The following INPP5A variants were observed in gnomAD, a reference collection of about 807,000 sequenced individuals.
INPP5A encodes the protein inositol polyphosphate-5-phosphatase A, also known as 43 kDa inositol polyphosphate 5-phophatase.
A neutral mutation model predicts 65.2 loss-of-function variants in INPP5A; 14 were observed. That is an observed-to-expected ratio of 0.21 (90% CI 0.14 to 0.34). The LOEUF (loss-of-function observed/expected upper bound fraction) is 0.34, where lower values mean the gene tolerates loss of function less well. Among genes scored for constraint, INPP5A ranks in the 10% least tolerant of loss-of-function variants. The probability of loss-of-function intolerance (pLI) is 1.00; values close to 1 mark genes in which losing one functional copy is unlikely to be tolerated. For synonymous variants in INPP5A, 207 were observed against 208.3 expected (o/e 0.99, Z 0.05); for missense variants, 431 against 545.6 (o/e 0.79, Z 2.09).
chr10:132,696,873 T>A (rs533550741), intron 5 of INPP5A, among the ~76,000 whole-genome samples: 37 of 152,240 alleles, frequency 2.4e-4, no homozygotes, highest in African/African-American at 8.4e-4. Flanking sequence ...CAGCACTCTG[T>A]TTTTTCCTGA....
intron 9 of INPP5A, among the ~76,000 whole-genome samples, chr10:132,747,913 G>A (rs1412264233): frequency 6.6e-6 from 1 of 152,130 alleles, no homozygotes; most frequent in East Asian, 1.9e-4. Flanking sequence ...GCTGGGCATG[G>A]TGGTGCATTA....
intron 3 of INPP5A, among the ~76,000 whole-genome samples, chr10:132,647,146 C>T (rs1261319789): frequency 4.0e-5 from 6 of 149,070 alleles, no homozygotes; most frequent in East Asian, 2.0e-4. Context: ...GACGGAGTCT[C>T]GCTCTGTTGC....
chr10:132,598,994 C>T (rs1406161067), intron 1 of INPP5A, among the ~76,000 whole-genome samples: 1 of 152,176 alleles, frequency 6.6e-6, no homozygotes, highest in Non-Finnish European at 1.5e-5. Flanking sequence ...GGGTTCTTCC[C>T]ATAACAGGTG....
intron 11 of INPP5A, among the ~76,000 whole-genome samples, chr10:132,764,086 C>T (rs1846786671): frequency 7.9e-5 from 12 of 152,272 alleles, no homozygotes; most frequent in Admixed American, 7.8e-4. Flanking sequence ...GCTGTACCCT[C>T]TTAGGAGGCA....
chr10:132,778,117 G>A (rs1368703177), intron 13 of INPP5A, among the ~76,000 whole-genome samples: 1 of 152,160 alleles, frequency 6.6e-6, no homozygotes, highest in South Asian at 2.1e-4. Flanking sequence ...GCTCTTGTGC[G>A]TTCCAGCGCT....
chr10:132,581,773 T>C (rs1217356044), intron 1 of INPP5A, among the ~76,000 whole-genome samples: 2 of 152,216 alleles, frequency 1.3e-5, no homozygotes, highest in Admixed American at 1.3e-4. Flanking sequence ...TTATGTACTC[T>C]GGATACCAGT....
chr10:132,575,668 G>A lies in INPP5A; in HGVS notation c.76-32247G>A, dbSNP rs1035356350. Among the ~76,000 whole-genome samples the A allele has an allele frequency of 1.3e-5, 2 of 152,148 alleles. No individual in the cohort carries two copies. Among genetic ancestry groups the A allele is most frequent in the Non-Finnish European group, 2.9e-5 (2 of 68,036 alleles). On this transcript the variant is annotated intron_variant, in intron 1 of 15. Transcript: ENST00000368594. This position sits in a 1 kb window ranked among gnomAD's most constrained non-coding sequence, Gnocchi z 5.4. ...GTTTATCTTGGCGAGGAGGAATCCTGCACCAGCTTAGACAAGGAACTCCTG... is the reference window on the plus strand; with the variant it reads ...GTTTATCTTGGCGAGGAGGAATCCTACACCAGCTTAGACAAGGAACTCCTG...
chr10:132,716,313 C>T (rs570289342), intron 8 of INPP5A, among the ~76,000 whole-genome samples: 2 of 152,268 alleles, frequency 1.3e-5, no homozygotes. Context: ...TCTTGTGACA[C>T]AGGCACGGAT....
rs1274580923 is a variant in INPP5A, at chr10:132,705,811, G to C, written c.475-2502G>C. ...GAGAGCCCAGACCTTTTACAATGCTGGGTGGGGTGGCCATGGAACTGCACA... is the reference window on the plus strand; with the variant it reads ...GAGAGCCCAGACCTTTTACAATGCTCGGTGGGGTGGCCATGGAACTGCACA... On this transcript the variant is annotated intron_variant, in intron 6 of 15. Transcript: ENST00000368594. This position sits in a 1 kb window ranked among gnomAD's most constrained non-coding sequence, Gnocchi z 4.9. 2.6e-5 allele frequency among the ~76,000 whole-genome samples: 4 copies of C among 152,120 alleles called. No individual in the cohort carries two copies. The highest frequency in any genetic ancestry group is 5.9e-5 in the Non-Finnish European group (4 of 68,030).
intron 9 of INPP5A, among the ~76,000 whole-genome samples, chr10:132,746,742 CT>C (rs1846378057): frequency 6.6e-6 from 1 of 152,234 alleles, no homozygotes; most frequent in Non-Finnish European, 1.5e-5. Context: ...TCTTAGATGG[CT>C]TTTTAAACAT....
intron 2 of INPP5A, among the ~76,000 whole-genome samples, chr10:132,642,841 A>T (rs1158661895): frequency 2.0e-5 from 3 of 152,186 alleles, no homozygotes; most frequent in African/African-American, 7.2e-5. Flanking sequence ...GCGCAGTGGT[A>T]ATTTTACATG....
intron 8 of INPP5A, among the ~76,000 whole-genome samples, chr10:132,710,915 GA>G (rs1845626264): frequency 6.6e-6 from 1 of 152,160 alleles, no homozygotes; most frequent in African/African-American, 2.4e-5. Flanking sequence ...TGGCCACTGG[GA>G]AAGGCTGTGC....
intron 1 of INPP5A, among the ~76,000 whole-genome samples, chr10:132,567,567 G>A (rs1164380309): frequency 6.6e-6 from 1 of 152,102 alleles, no homozygotes; most frequent in Non-Finnish European, 1.5e-5. Flanking sequence ...ATGGTAACAC[G>A]GGACACTACT....
In INPP5A at chr10:132,783,199, A is replaced by G. The variant is rs1847198404; in HGVS notation, c.*1170A>G. ...GAGTCTGTTGATGAAACACAAATGT[A>G]TGTTTTATTGATTTTACTTTAGAAC... On this transcript the variant is annotated 3_prime_UTR_variant, in exon 16 of 16. Coordinates refer to ENST00000368594, the MANE Select transcript of INPP5A (RefSeq NM_005539.5). 2 of 152,434 alleles carry G rather than the reference A, an allele frequency of 1.3e-5. No homozygotes were observed. Among genetic ancestry groups the G allele is most frequent in the South Asian group, 4.1e-4 (2 of 4,820 alleles). 9.4% of individuals were successfully genotyped at this position (152,434 alleles called of 1,614,324 possible). A position where few individuals can be genotyped will look rare whatever the true frequency, so the allele number is the denominator to read the frequency against.
At chr10:132,775,877 T>A (rs1847055131) in intron 12 of INPP5A, among the ~76,000 whole-genome samples, 1 of 152,138 alleles carries the variant, frequency 6.6e-6, no homozygotes, top group Non-Finnish European at 1.5e-5. Flanking sequence ...CTCTCCAAGC[T>A]CCATGGGGTG....
intron 4 of INPP5A, among the ~76,000 whole-genome samples, chr10:132,661,124 G>T (rs559124756): frequency 1.3e-5 from 2 of 152,210 alleles, no homozygotes; most frequent in East Asian, 3.9e-4. Context: ...GTCTCTCTGT[G>T]TCCCCAGCTG....
chr10:132,712,181 A>G lies in INPP5A; in HGVS notation c.647+1725A>G, dbSNP rs117702556. ...CCTCCTAATAGTGCCTTGTAAGGAT[A>G]GTGTTCAGTGTGCATGTGTGTGCCT... On this transcript the variant is annotated intron_variant, in intron 8 of 15. Transcript: ENST00000368594. Among the ~76,000 whole-genome samples the G allele has an allele frequency of 4.6e-5, 7 of 152,360 alleles. No homozygotes were observed. The East Asian group carries it at 1.2e-3, about 25-fold the overall frequency.
intron 2 of INPP5A, among the ~76,000 whole-genome samples, chr10:132,628,507 C>T (rs1406095659): frequency 2.0e-5 from 2 of 98,868 alleles, no homozygotes; most frequent in Non-Finnish European, 3.9e-5. Context: ...TAGAAGGAAA[C>T]ATGGCTGTTT....
At chr10:132,732,681 A>C (rs535275463) in intron 9 of INPP5A, among the ~76,000 whole-genome samples, 3 of 152,250 alleles carry the variant, frequency 2.0e-5, no homozygotes, top group African/African-American at 4.8e-5. Flanking sequence ...GGAACCGACC[A>C]CGGGGAGGAC....
Sources: allele counts gnomAD v4.1 joint callset (sites outside exome capture counted in the v4.1 genomes callset), GRCh38; gene constraint gnomAD v4.1.1; non-coding constraint Gnocchi (gnomAD v3.1); transcripts MANE v1.5; gene names NCBI Gene and HGNC (gene_info 2026-07-23, HGNC 2026-07-21).